SIPA1L2: variants seen among roughly 807,000 people sequenced by gnomAD.
The protein encoded by SIPA1L2 is signal-induced proliferation-associated 1-like protein 2.
SIPA1L2 carries 56 observed loss-of-function variants against 163.9 expected under a neutral mutation model. That is an observed-to-expected ratio of 0.34 (90% CI 0.28 to 0.43). The LOEUF is 0.43. SIPA1L2 is among the 20% of genes least tolerant of loss of function. The pLI, the probability that SIPA1L2 is intolerant of heterozygous loss-of-function variation, is 1.00. For synonymous variants in SIPA1L2, 877 were observed against 865.7 expected, an observed-to-expected ratio of 1.01 and a Z score of -0.23; for missense variants, 1,974 against 2,193.5, an observed-to-expected ratio of 0.90 and a Z score of 2.00.
chr1:232,443,063 C>G (rs536094246), intron 12 of SIPA1L2, among the ~76,000 whole-genome samples: 1 of 152,312 alleles, frequency 6.6e-6, no homozygotes, highest in Admixed American at 6.5e-5. Flanking sequence ...TCCTCAGGAG[C>G]GCACCCTGGT....
At chr1:232,469,788 C>A (rs1325825727) in intron 8 of SIPA1L2, among the ~76,000 whole-genome samples, 7 of 151,096 alleles carry the variant, frequency 4.6e-5, no homozygotes, top group Non-Finnish European at 1.0e-4. Flanking sequence ...TAATTAGATT[C>A]AAAAACATTT....
chr1:232,540,826 C>G (rs1483629828), intron 2 of SIPA1L2, among the ~76,000 whole-genome samples: 1 of 152,134 alleles, frequency 6.6e-6, no homozygotes, highest in African/African-American at 2.4e-5. Flanking sequence ...AAGCAATAGT[C>G]AATGCCTTCA....
intron 1 of SIPA1L2, among the ~76,000 whole-genome samples, chr1:232,619,514 G>C (rs1662685654): frequency 6.6e-6 from 1 of 152,234 alleles, no homozygotes; most frequent in Admixed American, 6.5e-5. Context: ...CCCTCTGATA[G>C]TTCTGAATCA....
chr1:232,510,231 A>AATATAT (rs10678164), intron 3 of SIPA1L2, among the ~76,000 whole-genome samples: 3 of 149,110 alleles, frequency 2.0e-5, no homozygotes, highest in Non-Finnish European at 3.0e-5. Flanking sequence ...TCAATATGAA[A>AATATAT]ATATATATAT....
At position 232,402,338 on chromosome 1, in the gene SIPA1L2, A is replaced by G. The variant is rs189200648; in HGVS notation, c.5022+54T>C. On this transcript the variant is annotated intron_variant, in intron 22 of 22. Transcript: ENST00000674635. The stretch of plus-strand genomic sequence containing the variant: ...TTTCAATTTATCTGTAGTAGTTATA[A>G]GGGGCTGATTTTATAAGAGAAACAG... The G allele has an allele frequency of 7.5e-5, 114 of 1,526,246 alleles. No individual in the cohort carries two copies. In the East Asian group the frequency reaches 1.8e-3, roughly 24 times the overall value. 94.5% of individuals were successfully genotyped at this position (1,526,246 alleles called of 1,614,324 possible).
intron 18 of SIPA1L2, among the ~76,000 whole-genome samples, chr1:232,417,230 A>G (rs185056701): frequency 1.6e-3 from 239 of 152,294 alleles, no homozygotes; most frequent in African/African-American, 4.3e-3. Flanking sequence ...GACTTTTTTG[A>G]GACTCTGGAC....
chr1:232,590,573 T>G (rs1195908828), intron 1 of SIPA1L2, among the ~76,000 whole-genome samples: 2 of 152,200 alleles, frequency 1.3e-5, no homozygotes, highest in African/African-American at 4.8e-5. Context: ...ATTCAGACCC[T>G]AGCTCTCGGG....
At chr1:232,528,765 G>C (rs1667838609) in intron 2 of SIPA1L2, among the ~76,000 whole-genome samples, 1 of 152,292 alleles carries the variant, frequency 6.6e-6, no homozygotes, top group East Asian at 1.9e-4. Context: ...ATGTTTGACT[G>C]GCAGAGCAGA....
At position 232,402,635 on chromosome 1, in the gene SIPA1L2, G is replaced by A. The variant is rs1660413746; in HGVS notation, c.4941-162C>T. The A allele has an allele frequency of 7.5e-6, 4 of 536,238 alleles. No individual in the cohort carries two copies. The South Asian group carries it at 9.4e-5, about 13-fold the overall frequency. 33.2% of individuals were successfully genotyped at this position (536,238 alleles called of 1,614,324 possible). On this transcript the variant is annotated intron_variant, in intron 21 of 22. Transcript: ENST00000674635. ...AAAGTGTCCATATTGCTGATCTAGT[G>A]GAAAGCCCATTCTGGGACTTTACTG...
At chr1:232,426,322 C>T (rs895187424) in intron 17 of SIPA1L2, among the ~76,000 whole-genome samples, 70 of 152,260 alleles carry the variant, frequency 4.6e-4, no homozygotes, top group Middle Eastern at 3.4e-3. Context: ...AAACACATTT[C>T]CAAAAATCAG....
intron 2 of SIPA1L2, among the ~76,000 whole-genome samples, chr1:232,559,119 C>T (rs773520116): frequency 3.7e-4 from 56 of 152,170 alleles, no homozygotes; most frequent in Non-Finnish European, 7.3e-4. Context: ...CCAGCAACCC[C>T]AGACATCAGC....
chr1:232,531,342 T>C (rs1453203639), intron 2 of SIPA1L2, among the ~76,000 whole-genome samples: 2 of 152,176 alleles, frequency 1.3e-5, no homozygotes, highest in Admixed American at 1.3e-4. Flanking sequence ...CTCCCTGCAA[T>C]GTCTTTTCCA....
chr1:232,555,414 A>G (rs1337047611), intron 2 of SIPA1L2, among the ~76,000 whole-genome samples: 4 of 152,216 alleles, frequency 2.6e-5, no homozygotes, highest in African/African-American at 9.6e-5. Flanking sequence ...GTGAGGAGTC[A>G]GGTTCCCCAA....
chr1:232,403,835 C>T (rs1256065113), intron 20 of SIPA1L2, among the ~76,000 whole-genome samples: 1 of 152,202 alleles, frequency 6.6e-6, no homozygotes, highest in Non-Finnish European at 1.5e-5. Flanking sequence ...GGATTTGCTA[C>T]AGCCAATTTG....
chr1:232,415,695 AC>A (rs1661207881), intron 18 of SIPA1L2, 70 bp from the exon 19 acceptor site: 1 of 1,599,884 alleles, frequency 6.3e-7, no homozygotes, highest in Non-Finnish European at 8.5e-7. Flanking sequence ...GTGAGTCAGA[AC>A]ATGGGCACCA....
intron 15 of SIPA1L2, among the ~76,000 whole-genome samples, chr1:232,435,676 T>C (rs943039984): frequency 6.6e-6 from 1 of 152,336 alleles, no homozygotes; most frequent in Admixed American, 6.5e-5. Context: ...CTTAGTTAGG[T>C]TAGCATAAAT....
intron 1 of SIPA1L2, among the ~76,000 whole-genome samples, chr1:232,620,799 G>C (rs7418637): frequency 1.3e-5 from 2 of 152,230 alleles, no homozygotes; most frequent in Non-Finnish European, 2.9e-5. Context: ...GCATTTCAGT[G>C]AATGTTCAAA....
At position 232,527,051 on chromosome 1, in the gene SIPA1L2, G is replaced by A. The variant is rs574973979; in HGVS notation, c.-269-11443C>T. On this transcript the variant is annotated intron_variant, in intron 2 of 22. Transcript: ENST00000674635. ...TCACCAAAATAAAGCAATTCCACAC[G>A]GACAGACCAGCAGAATGATCTGGTG... 2.2e-4 allele frequency among the ~76,000 whole-genome samples: 34 copies of A among 152,186 alleles called. No homozygotes were observed. In the South Asian group the frequency reaches 5.2e-3, roughly 23 times the overall value.
At chr1:232,470,338 TA>T (rs1664739438) in intron 8 of SIPA1L2, among the ~76,000 whole-genome samples, 1 of 152,198 alleles carries the variant, frequency 6.6e-6, no homozygotes, top group Admixed American at 6.5e-5. Context: ...AGTAGAGCCA[TA>T]GACTAGGGCT....
Sources: gnomAD v4.1 joint callset for allele counts (sites outside exome capture counted in the v4.1 genomes callset) on GRCh38, gnomAD v4.1.1 for gene constraint, MANE v1.5 for transcripts, NCBI Gene and HGNC (gene_info 2026-07-23, HGNC 2026-07-21) for gene names.